Variants in RBPMS observed in about 807,000 individuals in gnomAD.
The protein encoded by RBPMS is RNA-binding protein with multiple splicing.
Under a neutral mutation model 26.8 loss-of-function variants are expected in RBPMS, and 7 were observed. The observed-to-expected ratio is 0.26, with a 90% CI of 0.15 to 0.49. RBPMS has a LOEUF of 0.49. RBPMS is among the 20% of genes least tolerant of loss of function. The pLI, the probability that RBPMS is intolerant of heterozygous loss-of-function variation, is 0.98. For synonymous variants in RBPMS, 96 were observed against 93.3 expected, an observed-to-expected ratio of 1.03 and a Z score of -0.17; for missense variants, 186 against 250.0, an observed-to-expected ratio of 0.74 and a Z score of 1.73.
chr8:30,443,586 G>A (rs1200113899), intron 1 of RBPMS, among the ~76,000 whole-genome samples: 1 of 139,920 alleles, frequency 7.1e-6, no homozygotes, highest in African/African-American at 2.5e-5. Context: ...AAATCTTTCA[G>A]GTTTTTTTTG....
At chr8:30,410,238 G>A (rs946801321) in intron 1 of RBPMS, among the ~76,000 whole-genome samples, 9 of 146,320 alleles carry the variant, frequency 6.2e-5, no homozygotes, top group South Asian at 2.2e-4. Flanking sequence ...ACGGAGTCTC[G>A]CTCTGTTGCC....
chr8:30,462,089 C>G (rs1051049459), intron 1 of RBPMS, among the ~76,000 whole-genome samples: 4 of 151,948 alleles, frequency 2.6e-5, no homozygotes, highest in African/African-American at 9.7e-5. Context: ...TTTAACCATT[C>G]AGGTTTTTGT....
chr8:30,387,519 G>A (rs1373142753), intron 1 of RBPMS, among the ~76,000 whole-genome samples: 4 of 152,066 alleles, frequency 2.6e-5, no homozygotes, highest in African/African-American at 9.7e-5. Context: ...CATTGTATCA[G>A]CAACTTGCTC....
At chr8:30,409,849 T>G (rs562480300) in intron 1 of RBPMS, among the ~76,000 whole-genome samples, 1 of 151,868 alleles carries the variant, frequency 6.6e-6, no homozygotes, top group Non-Finnish European at 1.5e-5. Flanking sequence ...GCCAGGCTGG[T>G]CTCGATCTCC....
At chr8:30,450,682 G>T (rs1814457477) in intron 1 of RBPMS, among the ~76,000 whole-genome samples, 1 of 147,854 alleles carries the variant, frequency 6.8e-6, no homozygotes, top group South Asian at 2.1e-4. Flanking sequence ...CTGCATGGCT[G>T]TGAAAACATA....
chr8:30,411,985 C>CAAAAA (rs11367222), intron 1 of RBPMS, among the ~76,000 whole-genome samples: 2 of 120,962 alleles, frequency 1.7e-5, no homozygotes, highest in Non-Finnish European at 3.6e-5. Context: ...GACTTCGTCT[C>CAAAAA]AAAAAAAAAA....
At chr8:30,484,119 A>C (rs1818548930) in intron 4 of RBPMS, among the ~76,000 whole-genome samples, 1 of 152,174 alleles carries the variant, frequency 6.6e-6, no homozygotes. Context: ...TTTCTGGGTC[A>C]TGTGGTGATC....
rs71278690 is a variant in RBPMS, at chr8:30,419,450, A to ATGTGTGTGTGTGTGTGTGTGTGTG, written c.66+34302_66+34325dup. ...GACAGAGTGAGATTGCATCTCAAAA[A>ATGTGTGTGTGTGTGTGTGTGTGTG]TGTGTGTGTGTGTGTGTGTGTGTGT... On this transcript the variant is annotated intron_variant, in intron 1 of 8. Coordinates refer to ENST00000397323, the MANE Select transcript of RBPMS (RefSeq NM_001008710.3). 1.4e-3 allele frequency among the ~76,000 whole-genome samples: 197 copies of ATGTGTGTGTGTGTGTGTGTGTGTG among 143,282 alleles called. 1 individual carries two copies. Among genetic ancestry groups the ATGTGTGTGTGTGTGTGTGTGTGTG allele is most frequent in the African/African-American group, 4.8e-3 (181 of 37,898 alleles). 94.0% of individuals were successfully genotyped at this position (143,282 alleles called of 152,430 possible).
intron 7 of RBPMS, chr8:30,565,840 T>G (rs2151095348): frequency 6.6e-6 from 1 of 152,608 alleles, no homozygotes; most frequent in South Asian, 2.1e-4. Context: ...TCCCATGCCT[T>G]TCCTCTGCAG....
intron 7 of RBPMS, chr8:30,565,657 A>G (rs1039140786): frequency 4.6e-5 from 7 of 152,282 alleles, no homozygotes; most frequent in Non-Finnish European, 7.3e-5. Flanking sequence ...AAGTAGCCAG[A>G]TATCTTCACA....
chr8:30,454,850 T>C (rs1435319179), intron 1 of RBPMS, among the ~76,000 whole-genome samples: 8 of 152,150 alleles, frequency 5.3e-5, no homozygotes, highest in African/African-American at 1.9e-4. Context: ...TGAGACAGAG[T>C]CTTACTCTGT....
intron 1 of RBPMS, among the ~76,000 whole-genome samples, chr8:30,438,179 G>C (rs1288189091): frequency 6.6e-6 from 1 of 152,154 alleles, no homozygotes; most frequent in Non-Finnish European, 1.5e-5. Context: ...CACTTTGGGA[G>C]GCCAGGACAT....
At chr8:30,519,454 CTCTCTTTTTTTT>C (rs1822771193) in intron 5 of RBPMS, among the ~76,000 whole-genome samples, 1 of 123,480 alleles carries the variant, frequency 8.1e-6, no homozygotes, top group African/African-American at 3.3e-5. Flanking sequence ...GGGAGGATCT[CTCTCTTTTTTTT>C]TTTTTTTTTT....
rs566164808 is a variant in RBPMS at position 30,492,143 on chromosome 8, C to T, written c.247-12143C>T. 5.9e-5 allele frequency among the ~76,000 whole-genome samples: 9 copies of T among 152,284 alleles called. No homozygotes were observed. In the East Asian group the frequency reaches 1.3e-3, roughly 23 times the overall value. On this transcript the variant is annotated intron_variant, in intron 4 of 8. Coordinates refer to ENST00000397323, the MANE Select transcript of RBPMS (RefSeq NM_001008710.3). ...CTGACCTCAGGTGATCCACCTGCCC[C>T]GGCCTCCCAAAGTGCTGACATTACA...
At chr8:30,436,941 G>A (rs1293707676) in intron 1 of RBPMS, among the ~76,000 whole-genome samples, 1 of 88,512 alleles carries the variant, frequency 1.1e-5, no homozygotes, top group African/African-American at 7.5e-5. Flanking sequence ...TTTTTTTTTT[G>A]AGAGGGAGTC....
At chr8:30,543,489 C>G (rs1007518773) in intron 5 of RBPMS, among the ~76,000 whole-genome samples, 6 of 152,212 alleles carry the variant, frequency 3.9e-5, no homozygotes, top group Non-Finnish European at 8.8e-5. Flanking sequence ...TGACTTCTAT[C>G]AAATCACCTT....
At chr8:30,455,965 A>C (rs1815158696) in intron 1 of RBPMS, among the ~76,000 whole-genome samples, 1 of 152,198 alleles carries the variant, frequency 6.6e-6, no homozygotes, top group Non-Finnish European at 1.5e-5. Flanking sequence ...ATTAAGACTG[A>C]GCCAGTAGAA....
At chr8:30,412,985 A>T (rs1169755487) in intron 1 of RBPMS, among the ~76,000 whole-genome samples, 1 of 152,184 alleles carries the variant, frequency 6.6e-6, no homozygotes, top group Non-Finnish European at 1.5e-5. Context: ...TAACACCCTC[A>T]CTTAAAAAGA....
intron 1 of RBPMS, among the ~76,000 whole-genome samples, chr8:30,417,548 T>C (rs1563298913): frequency 6.6e-6 from 1 of 152,370 alleles, no homozygotes; most frequent in East Asian, 1.9e-4. Context: ...TGTAAAAGTA[T>C]GGAAGTACAT....
Sources: allele counts gnomAD v4.1 joint callset (sites outside exome capture counted in the v4.1 genomes callset), GRCh38; gene constraint gnomAD v4.1.1; transcripts MANE v1.5; gene names NCBI Gene and HGNC (gene_info 2026-07-23, HGNC 2026-07-21).